The following NRG3 variants were observed in gnomAD, a reference collection of about 807,000 sequenced individuals.
The protein encoded by NRG3 is pro-neuregulin-3, membrane-bound isoform.
NRG3 carries 31 observed loss-of-function variants against 66.9 expected under a neutral mutation model. The observed-to-expected ratio is 0.46, with a 90% CI of 0.35 to 0.63. The LOEUF is 0.63. Among genes scored for constraint, NRG3 ranks in the 20% least tolerant of loss-of-function variants. The probability of loss-of-function intolerance (pLI) is 0.00; values close to 1 mark genes in which losing one functional copy is unlikely to be tolerated. For synonymous variants in NRG3, 393 were observed against 359.4 expected, an observed-to-expected ratio of 1.09 and a Z score of -1.06; for missense variants, 910 against 878.9, an observed-to-expected ratio of 1.04 and a Z score of -0.45.
chr10:82,411,823 G>A (rs568384198), intron 2 of NRG3, among the ~76,000 whole-genome samples: 9 of 152,152 alleles, frequency 5.9e-5, no homozygotes, highest in East Asian at 3.9e-4. Context: ...GGGCCTTAGC[G>A]CACCAGAAAT....
chr10:81,986,491 C>G (rs1247613830), intron 1 of NRG3, among the ~76,000 whole-genome samples: 1 of 152,036 alleles, frequency 6.6e-6, no homozygotes, highest in Non-Finnish European at 1.5e-5. Flanking sequence ...CACTCAAAAT[C>G]ATTTTAATCA....
chr10:82,056,507 G>T (rs1171633727), intron 1 of NRG3, among the ~76,000 whole-genome samples: 1 of 152,144 alleles, frequency 6.6e-6, no homozygotes, highest in African/African-American at 2.4e-5. Flanking sequence ...GGAAATCAAA[G>T]AATGGAGAGG....
At chr10:82,123,803 C>T (rs2068249241) in intron 1 of NRG3, among the ~76,000 whole-genome samples, 1 of 149,754 alleles carries the variant, frequency 6.7e-6, no homozygotes, top group Non-Finnish European at 1.5e-5. Context: ...GGTATAAATG[C>T]CTGGTCCCAC....
chr10:82,245,307 G>A (rs1045323302), intron 1 of NRG3, among the ~76,000 whole-genome samples: 1 of 152,142 alleles, frequency 6.6e-6, no homozygotes, highest in Admixed American at 6.5e-5. Context: ...TCTGACAGGA[G>A]ACGGAGCTCA....
chr10:82,913,845 A>C (rs1213598839), intron 4 of NRG3, among the ~76,000 whole-genome samples: 1 of 152,108 alleles, frequency 6.6e-6, no homozygotes, highest in Admixed American at 6.6e-5. Context: ...TTCATCATTA[A>C]TTTTGGAAGG....
At chr10:82,576,227 T>C (rs2046024565) in intron 2 of NRG3, among the ~76,000 whole-genome samples, 1 of 151,680 alleles carries the variant, frequency 6.6e-6, no homozygotes, top group African/African-American at 2.4e-5. Context: ...GATGTTTTTA[T>C]ATTCCTACAT....
chr10:82,132,479 G>GATATATATATCATATATATATATCAT lies in NRG3; in HGVS notation c.824-226250_824-226249insCATATATATATATCATATATATATAT, dbSNP rs1491227241. 4.3e-4 allele frequency among the ~76,000 whole-genome samples: 27 copies of GATATATATATCATATATATATATCAT among 62,466 alleles called. 6 individuals are homozygous for GATATATATATCATATATATATATCAT. The highest frequency in any genetic ancestry group is 9.0e-4 in the South Asian group (2 of 2,220). 41.0% of individuals were successfully genotyped at this position (62,466 alleles called of 152,430 possible). Reference sequence around the variant, plus strand: ...TATATGATATATATGATATATATATGATATATATATATGATATATATATAT... The same window carrying GATATATATATCATATATATATATCAT: ...TATATGATATATATGATATATATATGATATATATATCATATATATATATCATATATATATATATGATATATATATAT... On this transcript the variant is annotated intron_variant, in intron 1 of 8. Transcript: ENST00000372141.
chr10:82,601,861 T>A (rs2133403064), intron 2 of NRG3, among the ~76,000 whole-genome samples: 1 of 147,108 alleles, frequency 6.8e-6, no homozygotes, highest in South Asian at 2.1e-4. Context: ...AAAAAAAAAT[T>A]ATTTATATAT....
intron 1 of NRG3, among the ~76,000 whole-genome samples, chr10:82,145,602 ATG>A (rs2132698064): frequency 6.6e-6 from 1 of 152,152 alleles, no homozygotes. Flanking sequence ...TTTTTCTTTG[ATG>A]GTCAGTTTGC....
intron 3 of NRG3, among the ~76,000 whole-genome samples, chr10:82,784,874 T>C (rs1259204248): frequency 1.3e-5 from 2 of 152,104 alleles, no homozygotes; most frequent in Non-Finnish European, 2.9e-5. Flanking sequence ...CAAAGGACTA[T>C]AAATCATGCT....
chr10:82,061,529 C>A (rs900344495), intron 1 of NRG3, among the ~76,000 whole-genome samples: 2 of 152,172 alleles, frequency 1.3e-5, no homozygotes, highest in Non-Finnish European at 2.9e-5. Context: ...TCCTGGTCCC[C>A]TCTACCTCCA....
intron 2 of NRG3, among the ~76,000 whole-genome samples, chr10:82,695,648 T>G (rs2055318794): frequency 6.6e-6 from 1 of 152,122 alleles, no homozygotes; most frequent in Non-Finnish European, 1.5e-5. Flanking sequence ...TTTCCAAAAT[T>G]TTCTCCTATT....
At chr10:82,274,714 A>C (rs11193351) in intron 1 of NRG3, among the ~76,000 whole-genome samples, 21,574 of 152,022 alleles carry the variant, frequency 0.14, 1,653 homozygotes, top group East Asian at 0.24. Context: ...TAAAAATATT[A>C]AAAACTAAAA....
chr10:81,998,461 C>T (rs1310358282), intron 1 of NRG3, among the ~76,000 whole-genome samples: 1 of 152,132 alleles, frequency 6.6e-6, no homozygotes, highest in Non-Finnish European at 1.5e-5. Flanking sequence ...ATTCTCCACA[C>T]TGCTGTGTAG....
chr10:82,462,753 G>T (rs994446762), intron 2 of NRG3, among the ~76,000 whole-genome samples: 1 of 152,204 alleles, frequency 6.6e-6, no homozygotes, highest in Non-Finnish European at 1.5e-5. Context: ...GGTGCTGTAA[G>T]AATAGTTTTG....
intron 2 of NRG3, among the ~76,000 whole-genome samples, chr10:82,556,342 G>A (rs1424752920): frequency 6.6e-6 from 1 of 152,022 alleles, no homozygotes; most frequent in Non-Finnish European, 1.5e-5. Flanking sequence ...TTCTGGCAGT[G>A]TGCTCTAGAG....
At position 82,951,469 on chromosome 10, in the gene NRG3, A is replaced by C. The variant is rs1332143825; in HGVS notation, c.1055A>C (p.Glu352Ala). Residue 352 changes from glutamate to alanine, a missense_variant and splice_region_variant, in exon 5 of 9, where the codon GAG becomes GCG. Transcript: ENST00000372141. ...PTDHLGIEFM[E>A]SEEVYQRQVL... Reference sequence around the variant, plus strand: ...CTAATTTTGTTTTTCAAATTCACAGAGAGTGAAGAAGTTTATCAAAGGCAG... The same window carrying C: ...CTAATTTTGTTTTTCAAATTCACAGCGAGTGAAGAAGTTTATCAAAGGCAG... The C allele has an allele frequency of 1.2e-6, 2 of 1,611,846 alleles. No homozygotes were observed. Among genetic ancestry groups the C allele is most frequent in the African/African-American group, 1.3e-5 (1 of 74,992 alleles).
intron 1 of NRG3, among the ~76,000 whole-genome samples, chr10:82,132,549 C>CATATATATATA (rs1554831283): frequency 4.9e-4 from 8 of 16,386 alleles, no homozygotes; most frequent in Non-Finnish European, 2.2e-3. Flanking sequence ...ATATATATAT[C>CATATATATATA]TTTGTCTGGT....
In NRG3 at chr10:82,536,718, T is replaced by A. The variant is rs531293663; in HGVS notation, c.953+177850T>A. ...TAAAGACTTTGTAATCTGGAGACCTTGTGATTATTAATTCAGAGGGGATTC... is the reference window on the plus strand; with the variant it reads ...TAAAGACTTTGTAATCTGGAGACCTAGTGATTATTAATTCAGAGGGGATTC... On this transcript the variant is annotated intron_variant, in intron 2 of 8. Transcript: ENST00000372141. Among the ~76,000 whole-genome samples the A allele has an allele frequency of 1.1e-3, 166 of 152,198 alleles. 1 individual carries two copies. Among genetic ancestry groups the A allele is most frequent in the African/African-American group, 3.7e-3 (153 of 41,528 alleles).
Sources: gnomAD v4.1 joint callset for allele counts (sites outside exome capture counted in the v4.1 genomes callset) on GRCh38, gnomAD v4.1.1 for gene constraint, MANE v1.5 for transcripts, NCBI Gene and HGNC (gene_info 2026-07-23, HGNC 2026-07-21) for gene names.